The following EHD4 variants were observed in gnomAD, a reference collection of about 807,000 sequenced individuals.
The protein encoded by EHD4 is EH domain-containing protein 4.
In EHD4, 37 loss-of-function variants were observed where a neutral mutation model predicts 51.0. That is an observed-to-expected ratio of 0.73 (90% CI 0.56 to 0.95). The LOEUF is 0.95. EHD4 is among the 40% of genes least tolerant of loss of function. The pLI is 0.00. For synonymous variants in EHD4, 297 were observed against 317.3 expected, an observed-to-expected ratio of 0.94 and a Z score of 0.68; for missense variants, 632 against 733.1, an observed-to-expected ratio of 0.86 and a Z score of 1.59.
chr15:41,935,294 T>C (rs1240030338), intron 3 of EHD4, among the ~76,000 whole-genome samples: 1 of 152,152 alleles, frequency 6.6e-6, no homozygotes, highest in African/African-American at 2.4e-5. Flanking sequence ...CTATCTCCCC[T>C]AGTATATGCT....
chr15:41,924,483 C>G (rs1024381393), intron 3 of EHD4, among the ~76,000 whole-genome samples: 2 of 152,182 alleles, frequency 1.3e-5, no homozygotes, highest in East Asian at 1.9e-4. Context: ...AGTTAATATA[C>G]GTGAAGCATT....
At chr15:41,915,769 C>G (rs561839276) in intron 4 of EHD4, among the ~76,000 whole-genome samples, 19 of 152,192 alleles carry the variant, frequency 1.2e-4, no homozygotes, top group African/African-American at 1.4e-4. Flanking sequence ...GAAATGAACC[C>G]TGATTGGCAT....
chr15:41,972,534 GT>G lies in EHD4; in HGVS notation c.-41del. ...ACGCTCGGATGGGACCCTGCTCCGG[GT>G]TCGACTCTCCCCGGCTCGCACTGAG... On this transcript the variant is annotated 5_prime_UTR_variant, in exon 1 of 6. Coordinates refer to ENST00000220325, the MANE Select transcript of EHD4 (RefSeq NM_139265.4). 6.9e-7 allele frequency: 1 copy of G among 1,449,114 alleles called. No individual in the cohort carries two copies. The highest frequency in any genetic ancestry group is 1.5e-5 in the African/African-American group (1 of 67,788). 89.8% of individuals were successfully genotyped at this position (1,449,114 alleles called of 1,614,324 possible). A position where few individuals can be genotyped will look rare whatever the true frequency, so the allele number is the denominator to read the frequency against.
intron 3 of EHD4, among the ~76,000 whole-genome samples, chr15:41,939,581 T>G (rs1197045443): frequency 2.0e-5 from 3 of 151,888 alleles, no homozygotes; most frequent in Admixed American, 1.3e-4. Context: ...TAGACAATGT[T>G]AAGGAAATGT....
chr15:41,910,554 A>G (rs1265490479), intron 4 of EHD4, among the ~76,000 whole-genome samples: 1 of 151,664 alleles, frequency 6.6e-6, no homozygotes, highest in Non-Finnish European at 1.5e-5. Context: ...AGAAATGTTC[A>G]CTACAAAAGT....
At chr15:41,944,541 TG>T (rs1203791681) in intron 2 of EHD4, among the ~76,000 whole-genome samples, 1 of 152,180 alleles carries the variant, frequency 6.6e-6, no homozygotes, top group Non-Finnish European at 1.5e-5. Context: ...ACCACAGCCC[TG>T]GGTATGAGCG....
At chr15:41,931,246 T>C (rs1372081686) in intron 3 of EHD4, among the ~76,000 whole-genome samples, 1 of 152,244 alleles carries the variant, frequency 6.6e-6, no homozygotes, top group Non-Finnish European at 1.5e-5. Flanking sequence ...GTGCAGTGGC[T>C]CATGCCTGCA....
At position 41,898,317 on chromosome 15, in the gene EHD4, T is replaced by C. The variant is rs1429481658; in HGVS notation, c.*2328A>G. On this transcript the variant is annotated 3_prime_UTR_variant, in exon 6 of 6. Transcript: ENST00000220325. The stretch of plus-strand genomic sequence containing the variant: ...CCTGCTGCCCTCTAAAGCAGCTTTC[T>C]GTATCCAGACAAAACTTACATATGT... The C allele has an allele frequency of 2.0e-5, 3 of 152,248 alleles. No individual in the cohort carries two copies. The highest frequency in any genetic ancestry group is 1.9e-4 in the East Asian group (1 of 5,206). 9.4% of individuals were successfully genotyped at this position (152,248 alleles called of 1,614,324 possible).
At chr15:41,924,688 G>A (rs2067649761) in intron 3 of EHD4, among the ~76,000 whole-genome samples, 1 of 152,112 alleles carries the variant, frequency 6.6e-6, no homozygotes, top group African/African-American at 2.4e-5. Context: ...AGCGTCTCAG[G>A]GTGATGGAAA....
chr15:41,958,880 G>T (rs1220079440), intron 1 of EHD4, among the ~76,000 whole-genome samples: 1 of 152,134 alleles, frequency 6.6e-6, no homozygotes, highest in East Asian at 1.9e-4. Flanking sequence ...GGGTTAAGCG[G>T]TTTATTAAGA....
At position 41,898,381 on chromosome 15, in the gene EHD4, T is replaced by G. The variant is rs564352611; in HGVS notation, c.*2264A>C. ...AAACGACATACTCATGTGACACACA[T>G]GTATATAAATTCATGTTTATATATG... On this transcript the variant is annotated 3_prime_UTR_variant, in exon 6 of 6. Coordinates refer to ENST00000220325, the MANE Select transcript of EHD4 (RefSeq NM_139265.4). 3 of 152,248 alleles carry G rather than the reference T, an allele frequency of 2.0e-5. No homozygotes were observed. The highest frequency in any genetic ancestry group is 4.4e-5 in the Non-Finnish European group (3 of 68,050). 9.4% of individuals were successfully genotyped at this position (152,248 alleles called of 1,614,324 possible).
At chr15:41,903,567 T>G (rs2067493235) in intron 5 of EHD4, among the ~76,000 whole-genome samples, 1 of 152,042 alleles carries the variant, frequency 6.6e-6, no homozygotes, top group African/African-American at 2.4e-5. Context: ...ACCTTTCTCT[T>G]AACAGTTACA....
At chr15:41,910,534 C>T (rs2067542767) in intron 4 of EHD4, among the ~76,000 whole-genome samples, 1 of 152,078 alleles carries the variant, frequency 6.6e-6, no homozygotes, top group African/African-American at 2.4e-5. Flanking sequence ...TTTCCAACTT[C>T]AGGATATTAA....
At chr15:41,943,308 G>C (rs1038053529) in intron 2 of EHD4, 144 bp from the exon 3 acceptor site, 1 of 606,970 alleles carries the variant, frequency 1.6e-6, no homozygotes, top group Non-Finnish European at 2.9e-6. Flanking sequence ...GATGCCTAAT[G>C]AAGTTGTTTG....
At position 41,898,759 on chromosome 15, in the gene EHD4, C is replaced by A. The variant is rs559118420; in HGVS notation, c.*1886G>T. The stretch of plus-strand genomic sequence containing the variant: ...GGCTGAGGCAGGGGAATCACTTGAA[C>A]CTGGGAGGCGGAGGTTGCAGTGAAC... On this transcript the variant is annotated 3_prime_UTR_variant, in exon 6 of 6. Transcript: ENST00000220325. 6.6e-6 allele frequency: 1 copy of A among 152,262 alleles called. No homozygotes were observed. The highest frequency in any genetic ancestry group is 1.9e-4 in the East Asian group (1 of 5,188). 9.4% of individuals were successfully genotyped at this position (152,262 alleles called of 1,614,324 possible).
intron 5 of EHD4, among the ~76,000 whole-genome samples, chr15:41,905,495 G>T (rs1221025932): frequency 6.6e-6 from 1 of 152,216 alleles, no homozygotes; most frequent in Non-Finnish European, 1.5e-5. Flanking sequence ...TGGGGATATG[G>T]CAGTGAACAG....
At chr15:41,927,542 T>C (rs79299063) in intron 3 of EHD4, among the ~76,000 whole-genome samples, 10,451 of 152,232 alleles carry the variant, frequency 0.069, 410 homozygotes, top group Non-Finnish European at 0.071. Context: ...TGCAACAACA[T>C]GGATGGCCCT....
chr15:41,910,733 T>A (rs2067544422), intron 4 of EHD4, among the ~76,000 whole-genome samples: 1 of 152,192 alleles, frequency 6.6e-6, no homozygotes, highest in African/African-American at 2.4e-5. Flanking sequence ...CACGCCTGGC[T>A]AATTTTTGTA....
chr15:41,903,725 A>G (rs1349793190), intron 5 of EHD4, among the ~76,000 whole-genome samples: 1 of 152,078 alleles, frequency 6.6e-6, no homozygotes, highest in African/African-American at 2.4e-5. Flanking sequence ...TTGGAAGGGG[A>G]TTCCTGGGTG....
Sources: allele counts gnomAD v4.1 joint callset (sites outside exome capture counted in the v4.1 genomes callset), GRCh38; gene constraint gnomAD v4.1.1; transcripts MANE v1.5; gene names NCBI Gene and HGNC (gene_info 2026-07-23, HGNC 2026-07-21).